TENT4A: variants seen among roughly 807,000 people sequenced by gnomAD.
TENT4A encodes the protein terminal nucleotidyltransferase 4A, also known as DNA polymerase kappa.
TENT4A carries 7 observed loss-of-function variants against 72.8 expected under a neutral mutation model. The ratio of observed to expected loss-of-function variants is 0.10; its 90% confidence interval spans 0.05 to 0.18. TENT4A has a LOEUF of 0.18. TENT4A is among the 10% of genes least tolerant of loss of function. The pLI is 1.00. For synonymous variants in TENT4A, 456 were observed against 434.3 expected, an observed-to-expected ratio of 1.05 and a Z score of -0.62; for missense variants, 831 against 1,017.7, an observed-to-expected ratio of 0.82 and a Z score of 2.50.
intron 1 of TENT4A, among the ~76,000 whole-genome samples, chr5:6,730,523 C>G (rs1741158350): frequency 6.6e-6 from 1 of 152,126 alleles, no homozygotes; most frequent in African/African-American, 2.4e-5. Flanking sequence ...TGTCAGGTGC[C>G]CCTTTCCTCT....
Position 6,756,466 on chromosome 5 carries a change from A to C in TENT4A, c.*1521A>C, listed in dbSNP as rs1742706721. The C allele has an allele frequency of 6.6e-6, 1 of 152,416 alleles. No homozygotes were observed. The highest frequency in any genetic ancestry group is 6.5e-5 in the Admixed American group (1 of 15,270). 9.4% of individuals were successfully genotyped at this position (152,416 alleles called of 1,614,324 possible). A position where few individuals can be genotyped will look rare whatever the true frequency, so the allele number is the denominator to read the frequency against. The stretch of plus-strand genomic sequence containing the variant: ...ATCTGATGCATGTGCAGCAGTGGGG[A>C]GTTCTAGATTGATCTCTGAATGTGA... On this transcript the variant is annotated 3_prime_UTR_variant, in exon 13 of 13. Coordinates refer to ENST00000230859, the MANE Select transcript of TENT4A (RefSeq NM_006999.6).
chr5:6,714,241 C>A lies in TENT4A; in HGVS notation c.258C>A (p.Pro86=). 1 of 1,014,954 alleles carries A rather than the reference C, an allele frequency of 9.9e-7. No individual in the cohort carries two copies. Among genetic ancestry groups the A allele is most frequent in the South Asian group, 4.5e-5 (1 of 22,184 alleles). 62.9% of individuals were successfully genotyped at this position (1,014,954 alleles called of 1,614,324 possible). Residue 86 remains proline (P), a synonymous_variant, in exon 1 of 13, where the codon CCC becomes CCA. Coordinates refer to ENST00000230859, the MANE Select transcript of TENT4A (RefSeq NM_006999.6). ...PGPTAPAALP[P]ALLTALGPAA... is the part of the protein sequence containing the mutation. ...CCACCGCGCCCGCCGCGCTGCCCCC[C>A]GCGCTGCTGACGGCGCTGGGGCCCG...
At chr5:6,727,942 A>G (rs531839721) in intron 1 of TENT4A, among the ~76,000 whole-genome samples, 3 of 152,152 alleles carry the variant, frequency 2.0e-5, no homozygotes, top group Non-Finnish European at 4.4e-5. Context: ...ATTGGCTTAC[A>G]TCTTTGGATC....
intron 1 of TENT4A, among the ~76,000 whole-genome samples, chr5:6,717,166 C>T (rs1398699450): frequency 6.6e-6 from 1 of 152,230 alleles, no homozygotes; most frequent in Non-Finnish European, 1.5e-5. Context: ...CTAGAACTTG[C>T]TTCTGGCCAT....
At chr5:6,739,614 TTG>T in intron 3 of TENT4A, 116 bp from the exon 4 acceptor site, 1 of 1,224,012 alleles carries the variant, frequency 8.2e-7, no homozygotes, top group African/African-American at 1.5e-5. Context: ...GCTAGTGGGA[TTG>T]TGTCTTGGCC....
Position 6,742,344 on chromosome 5 carries a change from G to A in TENT4A, c.1009-146G>A, listed in dbSNP as rs1373571923. ...GGCCTGGGAGTCGTCCTGGGTTCAG[G>A]GACTACTGATGCTGACAGTGTTCTC... On this transcript the variant is annotated intron_variant, in intron 4 of 12. Transcript: ENST00000230859. The A allele has an allele frequency of 4.1e-5, 25 of 603,142 alleles. 1 individual carries two copies. The Admixed American group carries it at 6.2e-4, about 15-fold the overall frequency. The allele number at this position is 603,142 out of a possible 1,614,324, so 37.4% of individuals were successfully genotyped here.
At chr5:6,728,595 A>G (rs946051800) in intron 1 of TENT4A, among the ~76,000 whole-genome samples, 1 of 152,230 alleles carries the variant, frequency 6.6e-6, no homozygotes, top group Non-Finnish European at 1.5e-5. Flanking sequence ...TCATGGCCGC[A>G]GGGGCCTTTT....
Position 6,713,565 on chromosome 5 carries a change from C to T in TENT4A, c.-419C>T, listed in dbSNP as rs1415799852. ...GCGGCGGCGCCTCCCGCGGGTCCTT[C>T]AGCCGCTCGGCGCCTGGGCCCGCCC... is the stretch of plus-strand genomic sequence containing the variant. On this transcript the variant is annotated 5_prime_UTR_variant, in exon 1 of 13. Transcript: ENST00000230859. 2 of 148,046 alleles carry T rather than the reference C, an allele frequency of 1.4e-5. No individual in the cohort carries two copies. Among genetic ancestry groups the T allele is most frequent in the Non-Finnish European group, 3.0e-5 (2 of 66,150 alleles). 9.2% of individuals were successfully genotyped at this position (148,046 alleles called of 1,614,324 possible).
rs546946241 is a variant in TENT4A, at chr5:6,754,805, G to A, written c.2239G>A (p.Gly747Ser). Residue 747 changes from glycine to serine, a missense_variant, in exon 13 of 13, where the codon GGC becomes AGC. This residue lies in a region of TENT4A where 332 missense variants were observed against 324.3 expected (regional missense o/e 1.02). Transcript: ENST00000230859. Reference protein sequence around the residue: ...MKGSHGHTQGGGYSSVGSGGV... With the variant: ...MKGSHGHTQGSGYSSVGSGGV... ...GGGCTCTCACGGCCACACCCAAGGC[G>A]GCGGCTACAGCTCTGTGGGTAGCGG... is the stretch of plus-strand genomic sequence containing the variant. 6.2e-6 allele frequency: 10 copies of A among 1,602,238 alleles called. No homozygotes were observed. Among genetic ancestry groups the A allele is most frequent in the South Asian group, 2.2e-5 (2 of 90,510 alleles).
chr5:6,734,631 A>T (rs920394298), intron 1 of TENT4A, among the ~76,000 whole-genome samples: 2 of 152,248 alleles, frequency 1.3e-5, no homozygotes, highest in African/African-American at 4.8e-5. Flanking sequence ...ATTATCTAAT[A>T]TTTGTTACAG....
In TENT4A at chr5:6,750,332, C is replaced by G; in HGVS notation, c.1689C>G (p.Asp563Glu). Reference sequence around the variant, plus strand: ...AACCAAGGCTTTTTCCCTCCACAGACAGCAGGATCAAGATCAAAGAGCGAA... The same window carrying G: ...AACCAAGGCTTTTTCCCTCCACAGAGAGCAGGATCAAGATCAAAGAGCGAA... ...GSKAHPSPGMDSRIKIKERIA... is the reference protein window; with the variant it reads ...GSKAHPSPGMESRIKIKERIA... Residue 563 changes from aspartate to glutamate, a missense_variant and splice_region_variant, in exon 10 of 13, where the codon GAC becomes GAG. Coordinates refer to ENST00000230859, the MANE Select transcript of TENT4A (RefSeq NM_006999.6). 1.2e-6 allele frequency: 2 copies of G among 1,608,842 alleles called. No homozygotes were observed. The highest frequency in any genetic ancestry group is 1.7e-6 in the Non-Finnish European group (2 of 1,177,738).
intron 1 of TENT4A, among the ~76,000 whole-genome samples, chr5:6,719,851 C>T (rs987758601): frequency 3.9e-5 from 6 of 152,214 alleles, no homozygotes; most frequent in African/African-American, 1.4e-4. Context: ...AGAACACTCA[C>T]TTATGGTCTT....
chr5:6,716,354 C>T (rs1740387826), intron 1 of TENT4A, among the ~76,000 whole-genome samples: 1 of 152,194 alleles, frequency 6.6e-6, no homozygotes, highest in Non-Finnish European at 1.5e-5. Flanking sequence ...CACAAGAGTA[C>T]CCTGCTCAGT....
In TENT4A at chr5:6,743,517, T is replaced by C. The variant is rs143504069; in HGVS notation, c.1117-195T>C. Among the ~76,000 whole-genome samples, 3 of 152,276 alleles carry C rather than the reference T, an allele frequency of 2.0e-5. No individual in the cohort carries two copies. The East Asian group carries it at 5.8e-4, about 29-fold the overall frequency. On this transcript the variant is annotated intron_variant, in intron 5 of 12. Transcript: ENST00000230859. ...GTAACCCAGGGAGAGCTCCACAGTC[T>C]CGATTTTCACAAGCCCCTCAGGAAA...
chr5:6,754,739 CTCTT>C lies in TENT4A; in HGVS notation c.2185-8_2185-5del. On this transcript the variant is annotated splice_polypyrimidine_tract_variant and splice_region_variant and intron_variant, in intron 12 of 12. Transcript: ENST00000230859. The stretch of plus-strand genomic sequence containing the variant: ...GTCTGGCTCCAACACTGCTGTCTCT[CTCTT>C]TCTCCAGCAGCACAACGGCATGAAA... 2 of 1,560,582 alleles carry C rather than the reference CTCTT, an allele frequency of 1.3e-6. No homozygotes were observed. Among genetic ancestry groups the C allele is most frequent in the Non-Finnish European group, 1.7e-6 (2 of 1,144,096 alleles).
chr5:6,715,703 T>G (rs1205207491), intron 1 of TENT4A, among the ~76,000 whole-genome samples: 1 of 152,248 alleles, frequency 6.6e-6, no homozygotes, highest in East Asian at 1.9e-4. Flanking sequence ...AAACTTTTGC[T>G]TGTAACTCTT....
intron 7 of TENT4A, among the ~76,000 whole-genome samples, chr5:6,747,259 C>T (rs762513537): frequency 1.3e-5 from 2 of 152,186 alleles, no homozygotes; most frequent in Admixed American, 6.5e-5. Context: ...GTCCCTGGGC[C>T]TTCTCCTCTG....
chr5:6,714,229 C>G lies in TENT4A; in HGVS notation c.246C>G (p.Ala82=), dbSNP rs1328353336. The change falls in exon 1 of 13, where the codon GCC becomes GCG. Residue 82 remains alanine, a synonymous_variant. Coordinates refer to ENST00000230859, the MANE Select transcript of TENT4A (RefSeq NM_006999.6). ...SPPPPGPTAP[A]ALPPALLTAL... Reference sequence around the variant, plus strand: ...CGCCGCCCGGCCCCACCGCGCCCGCCGCGCTGCCCCCCGCGCTGCTGACGG... The same window carrying G: ...CGCCGCCCGGCCCCACCGCGCCCGCGGCGCTGCCCCCCGCGCTGCTGACGG... 61 of 996,878 alleles carry G rather than the reference C, an allele frequency of 6.1e-5. 1 individual carries two copies. In the South Asian group the frequency reaches 2.4e-3, roughly 39 times the overall value. 61.8% of individuals were successfully genotyped at this position (996,878 alleles called of 1,614,324 possible).
chr5:6,714,913 A>G, intron 1 of TENT4A: 1 of 270,106 alleles, frequency 3.7e-6, no homozygotes. Flanking sequence ...TAACAGTCCA[A>G]GAAAAGGGGC....
Sources: allele counts gnomAD v4.1 joint callset (sites outside exome capture counted in the v4.1 genomes callset), GRCh38; gene constraint gnomAD v4.1.1; regional missense constraint gnomAD v4.1.1; transcripts MANE v1.5; gene names NCBI Gene and HGNC (gene_info 2026-07-23, HGNC 2026-07-21).